Variants in GPR158 observed in about 807,000 individuals in gnomAD.
GPR158 encodes G protein-coupled receptor 158.
A neutral mutation model predicts 78.2 loss-of-function variants in GPR158; 30 were observed. The observed-to-expected ratio is 0.38, with a 90% CI of 0.29 to 0.52. GPR158 has a LOEUF of 0.52. GPR158 is among the 20% of genes least tolerant of loss of function. GPR158 has a pLI of 0.83. For synonymous variants in GPR158, 581 were observed against 591.1 expected, an observed-to-expected ratio of 0.98 and a Z score of 0.25; for missense variants, 1,463 against 1,523.5, an observed-to-expected ratio of 0.96 and a Z score of 0.66.
rs141741342 is a variant in GPR158, at chr10:25,329,915, T to A, written c.1009-65996T>A. Reference sequence around the variant, plus strand: ...ATAATGTTAATAGTATTAGTGATGATAAAAATTGTAACACTTTGGATGTTA... The same window carrying A: ...ATAATGTTAATAGTATTAGTGATGAAAAAAATTGTAACACTTTGGATGTTA... On this transcript the variant is annotated intron_variant, in intron 2 of 10. Coordinates refer to ENST00000376351, the MANE Select transcript of GPR158 (RefSeq NM_020752.3). 5.0e-4 allele frequency among the ~76,000 whole-genome samples: 76 copies of A among 152,222 alleles called. 2 individuals are homozygous for A. Among genetic ancestry groups the A allele is most frequent in the African/African-American group, 1.8e-3 (73 of 41,528 alleles).
At chr10:25,520,418 G>A (rs1256307140) in intron 5 of GPR158, among the ~76,000 whole-genome samples, 1 of 150,064 alleles carries the variant, frequency 6.7e-6, no homozygotes, top group Non-Finnish European at 1.5e-5. Context: ...TGCTGGTGAG[G>A]AACTGCGTTC....
chr10:25,403,037 C>A (rs1206557403), intron 3 of GPR158, among the ~76,000 whole-genome samples: 1 of 151,536 alleles, frequency 6.6e-6, no homozygotes, highest in Non-Finnish European at 1.5e-5. Context: ...AGTTTGTAGG[C>A]AAATGTCTGT....
chr10:25,240,790 CT>C (rs1362444100), intron 2 of GPR158, among the ~76,000 whole-genome samples: 4 of 152,278 alleles, frequency 2.6e-5, no homozygotes, highest in African/African-American at 9.6e-5. Flanking sequence ...CAGTAAATAT[CT>C]ATCAATTGGG....
chr10:25,214,074 A>G (rs1853171879), intron 1 of GPR158, among the ~76,000 whole-genome samples: 1 of 149,954 alleles, frequency 6.7e-6, no homozygotes, highest in South Asian at 2.1e-4. Flanking sequence ...GGCTCACTGC[A>G]AGCTCTGCCT....
intron 6 of GPR158, among the ~76,000 whole-genome samples, chr10:25,559,322 C>T (rs536279370): frequency 1.3e-5 from 2 of 152,208 alleles, no homozygotes; most frequent in South Asian, 2.1e-4. Context: ...TTACTTTTGG[C>T]CTATTTTTGT....
intron 2 of GPR158, among the ~76,000 whole-genome samples, chr10:25,259,555 TCTTC>T (rs1287609960): frequency 1.3e-5 from 2 of 152,294 alleles, no homozygotes; most frequent in Non-Finnish European, 1.5e-5. Context: ...TCCTTGTGAT[TCTTC>T]CTTAGATGTG....
intron 2 of GPR158, among the ~76,000 whole-genome samples, chr10:25,243,350 G>A (rs141483754): frequency 3.5e-4 from 54 of 152,272 alleles, no homozygotes; most frequent in African/African-American, 1.3e-3. Context: ...GAGTTATCTG[G>A]ATTACGTTAT....
chr10:25,558,185 G>T (rs1836809941), intron 6 of GPR158, among the ~76,000 whole-genome samples: 1 of 152,136 alleles, frequency 6.6e-6, no homozygotes, highest in Non-Finnish European at 1.5e-5. Context: ...ATTTTTTGTT[G>T]CCTGAGTTGT....
chr10:25,224,447 T>G (rs1853345109), intron 2 of GPR158, among the ~76,000 whole-genome samples: 1 of 151,444 alleles, frequency 6.6e-6, no homozygotes, highest in South Asian at 2.1e-4. Context: ...AATCAGAAAA[T>G]TTTACAAGAT....
At chr10:25,501,195 C>T (rs991903774) in intron 5 of GPR158, among the ~76,000 whole-genome samples, 6 of 152,012 alleles carry the variant, frequency 3.9e-5, no homozygotes, top group Non-Finnish European at 5.9e-5. Context: ...AGAGAGTTGC[C>T]GGGAGTGGGA....
Position 25,598,524 on chromosome 10 carries a change from G to C in GPR158, c.2898G>C (p.Glu966Asp). The change falls in exon 11 of 11, where the codon GAG (glutamate) becomes GAC (aspartate). Residue 966 changes from glutamate (E) to aspartate (D), a missense_variant. Glu to Asp is a conservative substitution (Grantham distance 45). Transcript: ENST00000376351. ...CCCAAAACTCAAATCCTGCGGAGGA[G>C]CCAAGAAAGCCTCAGAAATCTGGGA... ...PAPQNSNPAE[E>D]PRKPQKSGIM... 6.2e-7 allele frequency: 1 copy of C among 1,613,178 alleles called. No homozygotes were observed. The highest frequency in any genetic ancestry group is 8.5e-7 in the Non-Finnish European group (1 of 1,179,796).
intron 5 of GPR158, among the ~76,000 whole-genome samples, chr10:25,469,783 CAAAAAAAA>C (rs34432893): frequency 2.1e-5 from 1 of 47,378 alleles, no homozygotes; most frequent in Non-Finnish European, 3.9e-5. Flanking sequence ...GACTCCATCT[CAAAAAAAA>C]AAAAAAAAAA....
At chr10:25,259,718 A>G (rs1342397484) in intron 2 of GPR158, among the ~76,000 whole-genome samples, 1 of 152,130 alleles carries the variant, frequency 6.6e-6, no homozygotes, top group African/African-American at 2.4e-5. Flanking sequence ...CTGTTTCTGA[A>G]CATATTGTAT....
rs563114898 is a variant in GPR158, at chr10:25,331,640, T to C, written c.1009-64271T>C. Among the ~76,000 whole-genome samples, 4 of 152,330 alleles carry C rather than the reference T, an allele frequency of 2.6e-5. No individual in the cohort carries two copies. In the South Asian group the frequency reaches 8.3e-4, roughly 32 times the overall value. ...TAAGAAAGGCTAACATCAATGACTCTGTAAATATCTGGTCACCGCTGCCTA... is the reference window on the plus strand; with the variant it reads ...TAAGAAAGGCTAACATCAATGACTCCGTAAATATCTGGTCACCGCTGCCTA... On this transcript the variant is annotated intron_variant, in intron 2 of 10. Transcript: ENST00000376351.
intron 4 of GPR158, among the ~76,000 whole-genome samples, chr10:25,424,808 C>T (rs1192603708): frequency 1.3e-5 from 2 of 152,100 alleles, no homozygotes; most frequent in Non-Finnish European, 2.9e-5. Context: ...ACTTTGATGT[C>T]AGGTAGCATG....
chr10:25,568,342 C>G (rs912952080), intron 6 of GPR158, among the ~76,000 whole-genome samples: 1 of 152,124 alleles, frequency 6.6e-6, no homozygotes, highest in African/African-American at 2.4e-5. Context: ...TCCTTGTAAA[C>G]ACTGCCATTC....
chr10:25,539,054 G>T (rs1836539606), intron 5 of GPR158, among the ~76,000 whole-genome samples: 1 of 152,088 alleles, frequency 6.6e-6, no homozygotes, highest in Admixed American at 6.5e-5. Context: ...CAGCACGCTG[G>T]TTTTCTGCAT....
At chr10:25,283,635 T>A (rs996583093) in intron 2 of GPR158, among the ~76,000 whole-genome samples, 1 of 151,972 alleles carries the variant, frequency 6.6e-6, no homozygotes, top group African/African-American at 2.4e-5. Flanking sequence ...CTCATATTTT[T>A]ACTCTTTCTC....
At chr10:25,189,834 ATGTGTG>A (rs56205437) in intron 1 of GPR158, among the ~76,000 whole-genome samples, 9,783 of 120,472 alleles carry the variant, frequency 0.081, 492 homozygotes, top group East Asian at 0.25. Context: ...AAAGGAAAGC[ATGTGTG>A]TGTGTGTGTG....
Sources: allele counts gnomAD v4.1 joint callset (sites outside exome capture counted in the v4.1 genomes callset), GRCh38; gene constraint gnomAD v4.1.1; transcripts MANE v1.5; gene names NCBI Gene and HGNC (gene_info 2026-07-23, HGNC 2026-07-21).